Variants in PSMB4 observed in about 807,000 individuals in gnomAD.
The protein encoded by PSMB4 is proteasome subunit beta type-4.
A neutral mutation model predicts 35.2 loss-of-function variants in PSMB4; 16 were observed. The ratio of observed to expected loss-of-function variants is 0.45; its 90% CI spans 0.31 to 0.69. The LOEUF is 0.69. PSMB4 is among the 30% of genes least tolerant of loss of function. The pLI, the probability that PSMB4 is intolerant of heterozygous loss-of-function variation, is 0.06. For missense variants in PSMB4, 333 were observed against 351.8 expected (o/e 0.95, Z 0.43); for synonymous variants, 144 against 134.1 (o/e 1.07, Z -0.51).
chr1:151,400,596 T>G lies in PSMB4; in HGVS notation c.494+8T>G. On this transcript the variant is annotated splice_region_variant and intron_variant, in intron 3 of 6. Coordinates refer to ENST00000290541, the MANE Select transcript of PSMB4 (RefSeq NM_002796.3). ...CTATGCTGATGGAGAGAGGTTCATATGAATACAAATAACTTATTTCCTTTA... is the reference window on the plus strand; with the variant it reads ...CTATGCTGATGGAGAGAGGTTCATAGGAATACAAATAACTTATTTCCTTTA... 1 of 1,614,178 alleles carries G rather than the reference T, an allele frequency of 6.2e-7. No individual in the cohort carries two copies. The highest frequency in any genetic ancestry group is 1.3e-5 in the African/African-American group (1 of 75,062).
Position 151,401,625 on chromosome 1 carries a change from GAT to G in PSMB4, c.778_779del (p.Ile260GlnfsTer4). ...TETNWDIAHM[I>X]SGFE ...AGACCAACTGGGATATTGCCCACAT[GAT>G]CAGGTGAGTAATAGGGAAAAAATTG... On this transcript the variant is annotated frameshift_variant, in exon 6 of 7. Transcript: ENST00000290541. LOFTEE classifies it high-confidence loss of function. The G allele has an allele frequency of 6.2e-7, 1 of 1,603,340 alleles. No homozygotes were observed. Among genetic ancestry groups the G allele is most frequent in the East Asian group, 2.2e-5 (1 of 44,816 alleles).
rs761449014 is a variant in PSMB4 at position 151,399,654 on chromosome 1, C to A, written c.67C>A (p.Arg23Ser). The change falls in exon 1 of 7, where the codon CGC becomes AGC. Residue 23 changes from arginine to serine, a missense_variant. Transcript: ENST00000290541. ...GGGTCCGGCCCCAGGACAGTTTTAC[C>A]GCATTCCGTCCACTCCCGATTCCTT... is the stretch of plus-strand genomic sequence containing the variant. The part of the protein sequence containing the change: ...AGGPAPGQFY[R>S]IPSTPDSFMD... The A allele has an allele frequency of 1.8e-5, 29 of 1,614,070 alleles. No individual in the cohort carries two copies. The highest frequency in any genetic ancestry group is 2.2e-5 in the Non-Finnish European group (26 of 1,180,044).
rs113331137 is a variant in PSMB4, at chr1:151,399,709, G to A, written c.122G>A (p.Gly41Asp). 3.1e-6 allele frequency: 5 copies of A among 1,613,950 alleles called. No homozygotes were observed. In the South Asian group the frequency reaches 5.5e-5, roughly 18 times the overall value. The change falls in exon 1 of 7, where the codon GGT (glycine) becomes GAT (aspartate). Residue 41 changes from glycine (G) to aspartate (D), a missense_variant. Gly to Asp is a moderately conservative substitution (Grantham distance 94). Coordinates refer to ENST00000290541, the MANE Select transcript of PSMB4 (RefSeq NM_002796.3). ...FMDPASALYR[G>D]PITRTQNPMV... is the part of the protein sequence containing the mutation. ...GATCCGGCGTCTGCACTTTACAGAG[G>A]TCCAATCACGCGGACCCAGTAAGTT...
chr1:151,400,400 G>T, intron 2 of PSMB4, 42 bp from the exon 3 acceptor site: 1 of 1,601,596 alleles, frequency 6.2e-7, no homozygotes, highest in South Asian at 1.1e-5. Context: ...TGGAGACCCC[G>T]ACTTAATTCT....
At chr1:151,401,446 T>C in intron 5 of PSMB4, 91 bp downstream of exon 5, 1 of 1,526,244 alleles carries the variant, frequency 6.6e-7, no homozygotes, top group Non-Finnish European at 9.1e-7. Flanking sequence ...GCCTTACTTG[T>C]GTGACTCCTA....
chr1:151,401,630 GGTGA>G lies in PSMB4; in HGVS notation c.782+3_782+6del, dbSNP rs756422971. On this transcript the variant is annotated splice_donor_variant and splice_donor_region_variant and intron_variant, in intron 6 of 6. Transcript: ENST00000290541. LOFTEE classifies it high-confidence loss of function. ...AACTGGGATATTGCCCACATGATCAGGTGAGTAATAGGGAAAAAATTGGTGACAG... is the reference window on the plus strand; with the variant it reads ...AACTGGGATATTGCCCACATGATCAGGTAATAGGGAAAAAATTGGTGACAG... 1 of 1,601,310 alleles carries G rather than the reference GGTGA, an allele frequency of 6.2e-7. No individual in the cohort carries two copies. Among genetic ancestry groups the G allele is most frequent in the African/African-American group, 1.3e-5 (1 of 74,616 alleles).
intron 2 of PSMB4, 66 bp from the exon 3 acceptor site, chr1:151,400,376 C>A (rs1571305047): frequency 6.4e-7 from 1 of 1,574,582 alleles, no homozygotes; most frequent in Non-Finnish European, 8.6e-7. Flanking sequence ...GTGGTAACTT[C>A]TTTTGGGGAT....
In PSMB4 at chr1:151,400,484, T is replaced by TAG; in HGVS notation, c.393_394dup (p.Ala132GlufsTer7). 6.2e-7 allele frequency: 1 copy of TAG among 1,613,968 alleles called. No homozygotes were observed. The highest frequency in any genetic ancestry group is 8.5e-7 in the Non-Finnish European group (1 of 1,180,040). On this transcript the variant is annotated frameshift_variant, in exon 3 of 7. Transcript: ENST00000290541. LOFTEE classifies it high-confidence loss of function. ...TGGGAGATGGACACAGCTATAGTCC[T>TAG]AGAGCTATTCATTCATGGCTGACCA...
Position 151,399,891 on chromosome 1 carries a change from G to A in PSMB4, c.141-90G>A. 3 of 1,541,620 alleles carry A rather than the reference G, an allele frequency of 1.9e-6. No homozygotes were observed. In the South Asian group the frequency reaches 3.4e-5, roughly 17 times the overall value. On this transcript the variant is annotated intron_variant, in intron 1 of 6. Transcript: ENST00000290541. ...CTGGAGAATGCAGAATAATTGGAAG[G>A]AATTATAGAAAATCAGAAGCGCAGC...
In PSMB4 at chr1:151,401,827, T is replaced by G; in HGVS notation, c.793T>G (p.Ter265GlyextTer30). The G allele has an allele frequency of 6.2e-7, 1 of 1,610,978 alleles. No individual in the cohort carries two copies. Among genetic ancestry groups the G allele is most frequent in the Non-Finnish European group, 8.5e-7 (1 of 1,177,100 alleles). Residue 265 changes from the stop codon to glycine (G), a stop_lost, in exon 7 of 7, where the codon TGA (stop) becomes GGA (glycine). Transcript: ENST00000290541. Reference sequence around the variant, plus strand: ...GTCTTCCTTTTTTAGTGGCTTTGAATGAAATACAGATGCATTATCCAGAAC... The same window carrying G: ...GTCTTCCTTTTTTAGTGGCTTTGAAGGAAATACAGATGCATTATCCAGAAC... ...DIAHMISGFE* is the reference protein window; with the variant it reads ...DIAHMISGFEG
In PSMB4 at chr1:151,400,106, G is replaced by C. The variant is rs1229910486; in HGVS notation, c.266G>C (p.Arg89Pro). 1.2e-6 allele frequency: 2 copies of C among 1,614,152 alleles called. No homozygotes were observed. The highest frequency in any genetic ancestry group is 1.7e-5 in the Admixed American group (1 of 60,024). ...ARFRNISRIMRVNNSTMLGAS... is the reference protein window; with the variant it reads ...ARFRNISRIMPVNNSTMLGAS... ...TTCCGCAACATCTCTCGCATTATGC[G>C]AGTCAACAACAGTACCATGCTGGGT... The change falls in exon 2 of 7, where the codon CGA becomes CCA. Residue 89 changes from arginine (R) to proline (P), a missense_variant. Coordinates refer to ENST00000290541, the MANE Select transcript of PSMB4 (RefSeq NM_002796.3).
intron 2 of PSMB4, 46 bp downstream of exon 2, chr1:151,400,233 G>T: frequency 6.3e-7 from 1 of 1,589,292 alleles, no homozygotes; most frequent in Non-Finnish European, 8.6e-7. Flanking sequence ...GTAGAGAGGG[G>T]AGTCCCCTGT....
chr1:151,401,457 T>C, intron 5 of PSMB4, 85 bp from the exon 6 acceptor site: 1 of 1,522,882 alleles, frequency 6.6e-7, no homozygotes, highest in East Asian at 2.3e-5. Context: ...GTGACTCCTA[T>C]TTTCACATTG....
In PSMB4 at chr1:151,401,832, TAC is replaced by T; in HGVS notation, c.*5_*6del. On this transcript the variant is annotated 3_prime_UTR_variant, in exon 7 of 7. Transcript: ENST00000290541. ...CCTTTTTTAGTGGCTTTGAATGAAATACAGATGCATTATCCAGAACTGAAGTT... is the reference window on the plus strand; with the variant it reads ...CCTTTTTTAGTGGCTTTGAATGAAATAGATGCATTATCCAGAACTGAAGTT... 1 of 1,610,452 alleles carries T rather than the reference TAC, an allele frequency of 6.2e-7. No homozygotes were observed. The highest frequency in any genetic ancestry group is 8.5e-7 in the Non-Finnish European group (1 of 1,176,622).
chr1:151,400,370 T>A (rs1480460271), intron 2 of PSMB4, 72 bp from the exon 3 acceptor site: 2 of 1,562,024 alleles, frequency 1.3e-6, no homozygotes, highest in African/African-American at 2.7e-5. Flanking sequence ...GAAGGTGTGG[T>A]AACTTCTTTT....
rs768552789 is a variant in PSMB4 at position 151,400,011 on chromosome 1, C to T, written c.171C>T (p.Leu57=). 2 of 1,614,052 alleles carry T rather than the reference C, an allele frequency of 1.2e-6. No individual in the cohort carries two copies. Among genetic ancestry groups the T allele is most frequent in the South Asian group, 1.1e-5 (1 of 91,074 alleles). Residue 57 remains leucine, a synonymous_variant, in exon 2 of 7, where the codon CTC becomes CTT. Coordinates refer to ENST00000290541, the MANE Select transcript of PSMB4 (RefSeq NM_002796.3). The part of the protein sequence containing the change: ...QNPMVTGTSV[L]GVKFEGGVVI... ...CCATGGTGACCGGGACCTCAGTCCT[C>T]GGCGTTAAGTTCGAGGGCGGAGTGG...
intron 5 of PSMB4, 29 bp from the exon 6 acceptor site, chr1:151,401,513 G>A: frequency 6.3e-7 from 1 of 1,574,850 alleles, no homozygotes; most frequent in East Asian, 2.2e-5. Context: ...TAAGGCGTGG[G>A]CATTATTGAA....
intron 5 of PSMB4, 52 bp from the exon 6 acceptor site, chr1:151,401,486 CCTTT>C (rs1456505293): frequency 1.3e-6 from 2 of 1,531,790 alleles, no homozygotes; most frequent in Non-Finnish European, 1.8e-6. Context: ...CTCCACCTGA[CCTTT>C]CATTTAAGGA....
intron 2 of PSMB4, 45 bp from the exon 3 acceptor site, chr1:151,400,397 C>T (rs781090622): frequency 6.3e-6 from 10 of 1,598,454 alleles, no homozygotes; most frequent in South Asian, 1.1e-5. Context: ...GGGTGGAGAC[C>T]CCGACTTAAT....
Sources: gnomAD v4.1 joint callset for allele counts on GRCh38, gnomAD v4.1.1 for gene constraint, MANE v1.5 for transcripts, NCBI Gene and HGNC (gene_info 2026-07-23, HGNC 2026-07-21) for gene names.